Variants in MYT1L observed in about 807,000 individuals in gnomAD.
The protein encoded by MYT1L is myelin transcription factor 1 like, also known as myelin transcription factor 1-like protein.
MYT1L carries 12 observed loss-of-function variants against 126.7 expected under a neutral mutation model. That is an observed-to-expected ratio of 0.09 (90% confidence interval 0.06 to 0.15). The LOEUF (loss-of-function observed/expected upper bound fraction) is 0.15, where lower values mean the gene tolerates loss of function less well. MYT1L is among the 10% of genes least tolerant of loss of function. The pLI is 1.00. For synonymous variants in MYT1L, 541 were observed against 604.2 expected (o/e 0.90, Z 1.53); for missense variants, 979 against 1,585.2 (o/e 0.62, Z 6.49).
chr2:1,942,270 G>A (rs902175130), intron 9 of MYT1L, among the ~76,000 whole-genome samples: 3 of 152,098 alleles, frequency 2.0e-5, no homozygotes, highest in Non-Finnish European at 2.9e-5. Flanking sequence ...ATTGTGCGTC[G>A]GATAGTAACA....
intron 2 of MYT1L, among the ~76,000 whole-genome samples, chr2:2,243,162 G>A (rs2094470522): frequency 6.6e-6 from 1 of 152,174 alleles, no homozygotes; most frequent in African/African-American, 2.4e-5. Flanking sequence ...GAAATCAGAA[G>A]TGTTGAAGTT....
At chr2:1,855,517 T>A (rs1357516452) in intron 18 of MYT1L, among the ~76,000 whole-genome samples, 4 of 152,202 alleles carry the variant, frequency 2.6e-5, no homozygotes, top group Admixed American at 2.0e-4. Context: ...CTCAGGCTGC[T>A]GGGGAGCAGA....
chr2:1,894,013 G>A lies in MYT1L; in HGVS notation c.2033-1726C>T, dbSNP rs952347507. Among the ~76,000 whole-genome samples, 3 of 152,194 alleles carry A rather than the reference G, an allele frequency of 2.0e-5. No individual in the cohort carries two copies. In the South Asian group the frequency reaches 6.2e-4, roughly 31 times the overall value. ...CAGAGAATTCCCCAAGCAAGTAACC[G>A]CTTTACACCCAGATTCCTGTGCATG... On this transcript the variant is annotated intron_variant, in intron 14 of 24. Transcript: ENST00000647738.
At chr2:2,308,411 TA>T (rs2149581650) in intron 1 of MYT1L, among the ~76,000 whole-genome samples, 1 of 152,056 alleles carries the variant, frequency 6.6e-6, no homozygotes, top group Non-Finnish European at 1.5e-5. Context: ...ATAAACTACC[TA>T]TACTTCACCT....
chr2:2,272,307 C>T (rs1266340252), intron 2 of MYT1L, among the ~76,000 whole-genome samples: 1 of 152,180 alleles, frequency 6.6e-6, no homozygotes, highest in Non-Finnish European at 1.5e-5. Context: ...CCTGACCTCC[C>T]ATGTTCTCTG....
At chr2:2,136,108 G>A (rs1415429197) in intron 3 of MYT1L, among the ~76,000 whole-genome samples, 1 of 152,184 alleles carries the variant, frequency 6.6e-6, no homozygotes, top group Non-Finnish European at 1.5e-5. Context: ...ATCATTCTCA[G>A]CAAACTAACA....
At chr2:2,309,886 ACT>A (rs1227413957) in intron 1 of MYT1L, among the ~76,000 whole-genome samples, 1 of 150,996 alleles carries the variant, frequency 6.6e-6, no homozygotes, top group Non-Finnish European at 1.5e-5. Flanking sequence ...ACTTTAGCAC[ACT>A]CTACCCATAC....
chr2:2,202,074 G>A (rs2093101994), intron 2 of MYT1L, among the ~76,000 whole-genome samples: 1 of 152,086 alleles, frequency 6.6e-6, no homozygotes, highest in Admixed American at 6.5e-5. Flanking sequence ...TGAAACCAAT[G>A]AGAACAAAGA....
At chr2:1,974,761 C>T (rs1366462324) in intron 8 of MYT1L, 1 of 152,086 alleles carries the variant, frequency 6.6e-6, no homozygotes, top group East Asian at 1.9e-4. Context: ...CCTTGGTAGC[C>T]AAGAGACCCA....
At chr2:2,073,595 G>A (rs948863204) in intron 3 of MYT1L, among the ~76,000 whole-genome samples, 17 of 152,070 alleles carry the variant, frequency 1.1e-4, no homozygotes, top group African/African-American at 3.6e-4. Context: ...TAAGGTCCTC[G>A]GCTCCTAGTC....
In MYT1L at chr2:2,089,615, T is replaced by C. The variant is rs796806033; in HGVS notation, c.-303-35492A>G. Among the ~76,000 whole-genome samples, 3 of 152,198 alleles carry C rather than the reference T, an allele frequency of 2.0e-5. No individual in the cohort carries two copies. In the South Asian group the frequency reaches 6.2e-4, roughly 31 times the overall value. On this transcript the variant is annotated intron_variant, in intron 3 of 24. Transcript: ENST00000647738. ...AGAAATATAAGAGCTGCAAGGACTTTGTGCAACCATTTGGTCCAATCTTCT... is the reference window on the plus strand; with the variant it reads ...AGAAATATAAGAGCTGCAAGGACTTCGTGCAACCATTTGGTCCAATCTTCT...
rs112167181 is a variant in MYT1L, at chr2:2,004,943, C to A, written c.-157-7596G>T. 5.0e-5 allele frequency among the ~76,000 whole-genome samples: 7 copies of A among 141,238 alleles called. No individual in the cohort carries two copies. The East Asian group carries it at 1.1e-3, about 22-fold the overall frequency. The allele number at this position is 141,238 out of a possible 152,430, so 92.7% of individuals were successfully genotyped here. A position where few individuals can be genotyped will look rare whatever the true frequency, so the allele number is the denominator to read the frequency against. On this transcript the variant is annotated intron_variant, in intron 4 of 24. Transcript: ENST00000647738. The stretch of plus-strand genomic sequence containing the variant: ...TCCTGCAGGCATTCTTTCCTGCATG[C>A]GTTCTTTCCTGCATGCGTTCTTTCC...
intron 1 of MYT1L, among the ~76,000 whole-genome samples, chr2:2,296,006 A>T (rs2095687956): frequency 6.6e-6 from 1 of 152,328 alleles, no homozygotes; most frequent in East Asian, 1.9e-4. Flanking sequence ...AAAGGCTGGC[A>T]ACCCAAATAC....
At chr2:1,821,282 G>A (rs1461020456) in intron 21 of MYT1L, among the ~76,000 whole-genome samples, 2 of 151,694 alleles carry the variant, frequency 1.3e-5, no homozygotes, top group African/African-American at 4.9e-5. Flanking sequence ...ACTCCTATTA[G>A]TTGATTACTA....
intron 2 of MYT1L, among the ~76,000 whole-genome samples, chr2:2,255,170 G>A (rs943619848): frequency 1.3e-5 from 2 of 152,226 alleles, no homozygotes; most frequent in African/African-American, 4.8e-5. Flanking sequence ...AATGTAGGAA[G>A]TGATCCTCTT....
At chr2:2,111,157 A>T (rs2079399668) in intron 3 of MYT1L, among the ~76,000 whole-genome samples, 1 of 152,172 alleles carries the variant, frequency 6.6e-6, no homozygotes, top group South Asian at 2.1e-4. Context: ...AGAGTACCCC[A>T]GCGTCAGCAC....
intron 2 of MYT1L, among the ~76,000 whole-genome samples, chr2:2,203,960 A>G (rs2093198401): frequency 1.3e-5 from 2 of 152,326 alleles, no homozygotes; most frequent in South Asian, 2.1e-4. Context: ...AATGACACAT[A>G]TCTACAACTA....
At chr2:2,013,919 T>G (rs1237432888) in intron 4 of MYT1L, among the ~76,000 whole-genome samples, 1 of 152,206 alleles carries the variant, frequency 6.6e-6, no homozygotes, top group Non-Finnish European at 1.5e-5. Flanking sequence ...CACATAAACT[T>G]TTTAAGGCAC....
chr2:2,308,941 A>C (rs907391567), intron 1 of MYT1L, among the ~76,000 whole-genome samples: 1 of 151,652 alleles, frequency 6.6e-6, no homozygotes, highest in Admixed American at 6.6e-5. Context: ...ACTTCAGTAC[A>C]TTCTATCCTT....
Sources: allele counts gnomAD v4.1 joint callset (sites outside exome capture counted in the v4.1 genomes callset), GRCh38; gene constraint gnomAD v4.1.1; transcripts MANE v1.5; gene names NCBI Gene and HGNC (gene_info 2026-07-23, HGNC 2026-07-21).